The following NLRP13 variants were observed in gnomAD, a reference collection of about 807,000 sequenced individuals.
NLRP13 encodes the protein NACHT, LRR and PYD domains-containing protein 13.
Under a neutral mutation model 94.4 loss-of-function variants are expected in NLRP13, and 82 were observed. That is an observed-to-expected ratio of 0.87 (90% CI 0.73 to 1.04). The LOEUF (loss-of-function observed/expected upper bound fraction) is 1.04, where lower values mean the gene tolerates loss of function less well. Among genes scored for constraint, NLRP13 ranks in the 50% least tolerant of loss-of-function variants. The pLI, the probability that NLRP13 is intolerant of heterozygous loss-of-function variation, is 0.00. For missense variants in NLRP13, 1,426 were observed against 1,230.8 expected, an observed-to-expected ratio of 1.16 and a Z score of -2.37; for synonymous variants, 553 against 464.7, an observed-to-expected ratio of 1.19 and a Z score of -2.45.
intron 6 of NLRP13, among the ~76,000 whole-genome samples, chr19:55,908,989 CTG>C (rs1986429407): frequency 1.3e-5 from 2 of 152,208 alleles, no homozygotes; most frequent in Non-Finnish European, 2.9e-5. Context: ...ACCCAATACA[CTG>C]AGGTTTGAGG....
chr19:55,929,497 C>T (rs1264572181), intron 1 of NLRP13, among the ~76,000 whole-genome samples: 2 of 152,132 alleles, frequency 1.3e-5, no homozygotes, highest in Non-Finnish European at 2.9e-5. Flanking sequence ...AAGCTGGAAA[C>T]CATCATTCTC....
chr19:55,912,362 A>T lies in NLRP13; in HGVS notation c.1455T>A (p.Ser485Arg), dbSNP rs303999. Residue 485 changes from serine to arginine, a missense_variant, in exon 5 of 11, where the codon AGT becomes AGA. Physicochemically the swap from Ser to Arg is moderately radical, Grantham distance 110 (BLOSUM62 -1). Transcript: ENST00000342929. ...TAGACCACAGCCCTTCTATGGCCAG[A>T]CTGCAGAGGGCCCTCCATTGTCCTG... ...SWPGQWRALC[S>R]LAIEGLWSMN... 6.2e-7 allele frequency: 1 copy of T among 1,613,816 alleles called. No individual in the cohort carries two copies. The highest frequency in any genetic ancestry group is 8.5e-7 in the Non-Finnish European group (1 of 1,179,938).
At chr19:55,914,971 CT>C in intron 4 of NLRP13, among the ~76,000 whole-genome samples, 1 of 152,152 alleles carries the variant, frequency 6.6e-6, no homozygotes, top group South Asian at 2.1e-4. Flanking sequence ...GATGATTTCA[CT>C]TATATGTAGA....
chr19:55,897,183 C>T (rs1986040271), intron 10 of NLRP13, among the ~76,000 whole-genome samples: 1 of 151,300 alleles, frequency 6.6e-6, no homozygotes, highest in Non-Finnish European at 1.5e-5. Flanking sequence ...TACATTAGAT[C>T]AGTTTAACAC....
intron 8 of NLRP13, among the ~76,000 whole-genome samples, chr19:55,902,869 T>C (rs1986226232): frequency 1.4e-5 from 2 of 146,024 alleles, no homozygotes; most frequent in Non-Finnish European, 3.0e-5. Flanking sequence ...TATATCATAA[T>C]GTAAATATAT....
At chr19:55,913,909 A>G (rs1299726634) in intron 4 of NLRP13, among the ~76,000 whole-genome samples, 2 of 152,120 alleles carry the variant, frequency 1.3e-5, no homozygotes, top group Non-Finnish European at 2.9e-5. Flanking sequence ...CTCTTCCCTC[A>G]CCAGCTATCA....
intron 7 of NLRP13, 131 bp from the exon 8 acceptor site, chr19:55,905,243 T>A: frequency 9.4e-7 from 1 of 1,059,834 alleles, no homozygotes. Flanking sequence ...AACAAAAGCT[T>A]AAAGAAGGAG....
chr19:55,894,841 G>A (rs572167712), downstream of NLRP13, among the ~76,000 whole-genome samples: 15 of 152,136 alleles, frequency 9.9e-5, no homozygotes, highest in Non-Finnish European at 1.6e-4. Flanking sequence ...ACGTACAGTA[G>A]GTACAAGAAT....
At chr19:55,899,072 G>A in intron 9 of NLRP13, 135 bp from the exon 10 acceptor site, 1 of 908,848 alleles carries the variant, frequency 1.1e-6, no homozygotes, top group Non-Finnish European at 1.6e-6. Context: ...CTCGAAGGAG[G>A]AGGGTGCGAG....
intron 4 of NLRP13, 123 bp from the exon 5 acceptor site, chr19:55,913,416 G>C (rs1986588799): frequency 1.8e-6 from 2 of 1,127,416 alleles, no homozygotes; most frequent in Non-Finnish European, 2.5e-6. Flanking sequence ...AGGATTTTGT[G>C]GGAATGCAGT....
At position 55,912,231 on chromosome 19, in the gene NLRP13, C is replaced by A. The variant is rs115550968; in HGVS notation, c.1586G>T (p.Gly529Val). The change falls in exon 5 of 11, where the codon GGG becomes GTG. Residue 529 changes from glycine to valine, a missense_variant. Gly to Val is a moderately radical substitution (Grantham distance 109). Coordinates refer to ENST00000342929, the MANE Select transcript of NLRP13 (RefSeq NM_176810.2). ...FNILQKINDCGGCTTFTHLSF... is the reference protein window; with the variant it reads ...FNILQKINDCVGCTTFTHLSF... ...TAGGTGGGTGAAAGTAGTGCAACCC[C>A]CACAGTCATTGATCTTTTGAAGAAT... The A allele has an allele frequency of 1.6e-4, 251 of 1,614,058 alleles. No individual in the cohort carries two copies. The African/African-American group carries it at 3.1e-3, about 20-fold the overall frequency.
chr19:55,911,051 G>C (rs1986495454), intron 5 of NLRP13, among the ~76,000 whole-genome samples: 1 of 152,154 alleles, frequency 6.6e-6, no homozygotes, highest in South Asian at 2.1e-4. Context: ...ACCTACATCT[G>C]TCAGGGTGTG....
intron 5 of NLRP13, among the ~76,000 whole-genome samples, chr19:55,911,221 G>T (rs1568693499): frequency 6.6e-6 from 1 of 152,146 alleles, no homozygotes; most frequent in African/African-American, 2.4e-5. Context: ...CACCTTGGGG[G>T]AGGTTATTTT....
intron 1 of NLRP13, among the ~76,000 whole-genome samples, chr19:55,926,573 T>G (rs908780729): frequency 2.6e-5 from 4 of 152,158 alleles, no homozygotes; most frequent in Admixed American, 6.5e-5. Flanking sequence ...CCAGGCTCCA[T>G]AGGTTTACTT....
chr19:55,913,513 C>A lies in NLRP13; in HGVS notation c.524-220G>T, dbSNP rs369431781. 9.2e-5 allele frequency among the ~76,000 whole-genome samples: 11 copies of A among 119,670 alleles called. No individual in the cohort carries two copies. In the South Asian group the frequency reaches 2.9e-3, roughly 32 times the overall value. 78.5% of individuals were successfully genotyped at this position (119,670 alleles called of 152,430 possible). On this transcript the variant is annotated intron_variant, in intron 4 of 10. Coordinates refer to ENST00000342929, the MANE Select transcript of NLRP13 (RefSeq NM_176810.2). ...TGCAGTGAGCCGAGAGGCACCACTGCACTCCAGCCTGGGTGACAGAGTGAG... is the reference window on the plus strand; with the variant it reads ...TGCAGTGAGCCGAGAGGCACCACTGAACTCCAGCCTGGGTGACAGAGTGAG...
intron 8 of NLRP13, among the ~76,000 whole-genome samples, chr19:55,903,139 A>T (rs1986237026): frequency 6.6e-6 from 1 of 152,084 alleles, no homozygotes; most frequent in Non-Finnish European, 1.5e-5. Context: ...AATACTAATT[A>T]TAATTAGTTA....
chr19:55,922,709 A>G (rs1215989541), intron 4 of NLRP13, among the ~76,000 whole-genome samples: 1 of 152,192 alleles, frequency 6.6e-6, no homozygotes, highest in African/African-American at 2.4e-5. Flanking sequence ...CCTTCATTCC[A>G]AGACTCAGCA....
At chr19:55,899,879 A>C (rs1986118411) in intron 9 of NLRP13, among the ~76,000 whole-genome samples, 2 of 152,160 alleles carry the variant, frequency 1.3e-5, no homozygotes, top group Non-Finnish European at 2.9e-5. Flanking sequence ...TGCAAATCAA[A>C]GACAGTCAGA....
intron 7 of NLRP13, among the ~76,000 whole-genome samples, chr19:55,906,396 T>C (rs1286176935): frequency 3.0e-5 from 4 of 131,990 alleles, no homozygotes; most frequent in South Asian, 4.8e-4. Context: ...GACAGAAAGA[T>C]AGAAAATAAG....
Sources: gnomAD v4.1 joint callset for allele counts (sites outside exome capture counted in the v4.1 genomes callset) on GRCh38, gnomAD v4.1.1 for gene constraint, MANE v1.5 for transcripts, NCBI Gene and HGNC (gene_info 2026-07-23, HGNC 2026-07-21) for gene names.